TRPM3: variants seen among roughly 807,000 people sequenced by gnomAD.
TRPM3 encodes the protein transient receptor potential cation channel subfamily M member 3.
Under a neutral mutation model 181.2 loss-of-function variants are expected in TRPM3, and 77 were observed. That is an observed-to-expected ratio of 0.42 (90% CI 0.35 to 0.51). The LOEUF (loss-of-function observed/expected upper bound fraction) is 0.51, where lower values mean the gene tolerates loss of function less well. Among genes scored for constraint, TRPM3 ranks in the 20% least tolerant of loss-of-function variants. TRPM3 has a pLI of 0.01. For synonymous variants in TRPM3, 745 were observed against 796.4 expected, an observed-to-expected ratio of 0.94 and a Z score of 1.09; for missense variants, 1,759 against 2,196.7, an observed-to-expected ratio of 0.80 and a Z score of 3.98.
chr9:71,304,688 C>T (rs2087101752), intron 1 of TRPM3, among the ~76,000 whole-genome samples: 1 of 152,178 alleles, frequency 6.6e-6, no homozygotes, highest in Non-Finnish European at 1.5e-5. Flanking sequence ...ATTGTATCTG[C>T]AAAAGTTATT....
intron 9 of TRPM3, 88 bp downstream of exon 9, chr9:70,681,418 G>T: frequency 4.6e-6 from 5 of 1,083,976 alleles, no homozygotes; most frequent in Non-Finnish European, 7.0e-6. Flanking sequence ...AGTATCATTT[G>T]GGATTATATC....
chr9:71,194,825 T>C (rs1179014628), intron 1 of TRPM3, among the ~76,000 whole-genome samples: 1 of 151,942 alleles, frequency 6.6e-6, no homozygotes, highest in African/African-American at 2.4e-5. Context: ...AGAAAACCTT[T>C]AATTTCAGTT....
intron 1 of TRPM3, among the ~76,000 whole-genome samples, chr9:71,412,552 C>T (rs2093571271): frequency 6.6e-6 from 1 of 152,110 alleles, no homozygotes; most frequent in African/African-American, 2.4e-5. Flanking sequence ...AATGAGATAC[C>T]ATCTCACACC....
intron 3 of TRPM3, among the ~76,000 whole-genome samples, chr9:70,847,709 A>G (rs989162796): frequency 2.0e-5 from 3 of 152,162 alleles, no homozygotes; most frequent in African/African-American, 7.2e-5. Flanking sequence ...AAACTTGCCT[A>G]CCTCAACCTT....
chr9:71,275,406 CAG>C (rs1377247125), intron 1 of TRPM3, among the ~76,000 whole-genome samples: 1 of 152,038 alleles, frequency 6.6e-6, no homozygotes, highest in Non-Finnish European at 1.5e-5. Flanking sequence ...AAATAGTTAA[CAG>C]ATTGGAATAG....
intron 6 of TRPM3, among the ~76,000 whole-genome samples, chr9:70,788,177 C>A (rs1255368084): frequency 8.4e-6 from 1 of 119,390 alleles, no homozygotes; most frequent in African/African-American, 3.2e-5. Context: ...CCCACCCCAC[C>A]ACAGTCCCCA....
intron 1 of TRPM3, among the ~76,000 whole-genome samples, chr9:71,310,802 A>G (rs565801293): frequency 2.0e-5 from 3 of 152,238 alleles, no homozygotes; most frequent in African/African-American, 4.8e-5. Context: ...AACACACTTT[A>G]CCAAAATCTA....
chr9:71,088,912 T>C (rs1380188464), intron 1 of TRPM3, among the ~76,000 whole-genome samples: 2 of 151,408 alleles, frequency 1.3e-5, no homozygotes, highest in Non-Finnish European at 2.9e-5. Context: ...GAGAAAAGGG[T>C]ATAATGGAAA....
rs2041136780 is a variant in TRPM3 at position 70,533,272 on chromosome 9, T to G, written c.*2681A>C. On this transcript the variant is annotated 3_prime_UTR_variant, in exon 26 of 26. Coordinates refer to ENST00000677713, the MANE Select transcript of TRPM3 (RefSeq NM_001366145.2). ...AATGAATAATGTTTTCACCTCCTTC[T>G]TGGATTCCTCTATAGACCCTTCAGG... The G allele has an allele frequency of 6.6e-6, 1 of 152,218 alleles. No individual in the cohort carries two copies. The highest frequency in any genetic ancestry group is 6.5e-5 in the Admixed American group (1 of 15,282). The allele number at this position is 152,218 out of a possible 1,614,324, so 9.4% of individuals were successfully genotyped here. A position where few individuals can be genotyped will look rare whatever the true frequency, so the allele number is the denominator to read the frequency against.
chr9:71,019,050 C>T (rs190945302), intron 1 of TRPM3, among the ~76,000 whole-genome samples: 57 of 151,946 alleles, frequency 3.8e-4, no homozygotes, highest in African/African-American at 1.3e-3. Context: ...TATTAATATG[C>T]TTATGTCAAA....
At position 71,418,467 on chromosome 9, in the gene TRPM3, G is replaced by A. The variant is rs532140353; in HGVS notation, c.183+28186C>T. ...AGCCTGATTGTTCACATTCCAAAAG[G>A]GAGCCTCTAATTGCCTATGCTCTGG... is the stretch of plus-strand genomic sequence containing the variant. On this transcript the variant is annotated intron_variant, in intron 1 of 24. Coordinates refer to the TRPM3 transcript ENST00000357533. 9.2e-5 allele frequency among the ~76,000 whole-genome samples: 14 copies of A among 151,868 alleles called. No homozygotes were observed. The East Asian group carries it at 2.5e-3, about 27-fold the overall frequency.
intron 25 of TRPM3, among the ~76,000 whole-genome samples, chr9:70,545,548 C>CTTTTTTTTTTTTTTT (rs5898150): frequency 9.7e-5 from 11 of 113,348 alleles, no homozygotes; most frequent in Admixed American, 2.1e-4. Flanking sequence ...AATTTTCTTT[C>CTTTTTTTTTTTTTTT]TTTTTTTTTT....
intron 1 of TRPM3, among the ~76,000 whole-genome samples, chr9:71,000,947 G>T (rs2097592462): frequency 6.6e-6 from 1 of 152,172 alleles, no homozygotes; most frequent in Non-Finnish European, 1.5e-5. Context: ...TATAATGCCA[G>T]CTACATAACA....
chr9:70,629,219 G>GGGGC (rs2065289538), intron 12 of TRPM3, among the ~76,000 whole-genome samples: 1 of 73,864 alleles, frequency 1.4e-5, no homozygotes, highest in East Asian at 6.2e-4. Context: ...CAGTGCCGGG[G>GGGGC]GGGGGGGGGG....
chr9:70,819,882 A>G (rs983113699), intron 6 of TRPM3, among the ~76,000 whole-genome samples: 1 of 152,236 alleles, frequency 6.6e-6, no homozygotes, highest in Non-Finnish European at 1.5e-5. Flanking sequence ...AGACAAAGGA[A>G]TAACACCTCA....
intron 1 of TRPM3, among the ~76,000 whole-genome samples, chr9:70,939,891 C>A (rs2096868796): frequency 6.6e-6 from 1 of 152,148 alleles, no homozygotes; most frequent in Non-Finnish European, 1.5e-5. Flanking sequence ...TTGCTTAAAG[C>A]CTTTTGGAAT....
At position 71,310,968 on chromosome 9, in the gene TRPM3, T is replaced by A. The variant is rs190670733; in HGVS notation, c.183+135685A>T. Among the ~76,000 whole-genome samples, 137 of 152,296 alleles carry A rather than the reference T, an allele frequency of 9.0e-4. 1 individual carries two copies. Among genetic ancestry groups the A allele is most frequent in the Non-Finnish European group, 1.7e-3 (113 of 68,016 alleles). On this transcript the variant is annotated intron_variant, in intron 1 of 24. Transcript: ENST00000357533. ...TGATACTGAGTTGTAAATTTCTCAA[T>A]CTGTTCCTTAACTTTCAGTCTTAAA...
chr9:70,543,532 C>T (rs771931321), intron 25 of TRPM3, among the ~76,000 whole-genome samples: 10 of 152,132 alleles, frequency 6.6e-5, no homozygotes, highest in Non-Finnish European at 1.3e-4. Context: ...TCCTTCTACT[C>T]TTTATGTCCA....
At chr9:70,696,877 G>A (rs563751040) in intron 8 of TRPM3, among the ~76,000 whole-genome samples, 1 of 152,258 alleles carries the variant, frequency 6.6e-6, no homozygotes, top group Non-Finnish European at 1.5e-5. Flanking sequence ...GGTGCTGGGC[G>A]CTGTTCTTCT....
Sources: allele counts gnomAD v4.1 joint callset (sites outside exome capture counted in the v4.1 genomes callset), GRCh38; gene constraint gnomAD v4.1.1; transcripts MANE v1.5; gene names NCBI Gene and HGNC (gene_info 2026-07-23, HGNC 2026-07-21).